Variants in GAPT observed in about 807,000 individuals in gnomAD.
GAPT encodes protein GAPT.
For missense variants in GAPT, 206 were observed against 189.2 expected (o/e 1.09, Z -0.52); for synonymous variants, 82 against 69.7 (o/e 1.18, Z -0.88).
At position 58,496,123 on chromosome 5, in the gene GAPT, A is replaced by T. The variant is rs956511347; in HGVS notation, c.*1113A>T. ...TTTTTATTTTCTGATATAAGCTTTG[A>T]TGCCTCTTCAATTCTTAGGACATTT... On this transcript the variant is annotated 3_prime_UTR_variant, in exon 3 of 3. Coordinates refer to ENST00000502276, the MANE Select transcript of GAPT (RefSeq NM_001304431.2). 1 of 166,854 alleles carries T rather than the reference A, an allele frequency of 6.0e-6. No individual in the cohort carries two copies. The highest frequency in any genetic ancestry group is 1.5e-5 in the Non-Finnish European group (1 of 68,110). 10.3% of individuals were successfully genotyped at this position (166,854 alleles called of 1,614,324 possible).
chr5:58,496,686 G>A lies in GAPT; in HGVS notation c.*1676G>A, dbSNP rs1744460387. On this transcript the variant is annotated 3_prime_UTR_variant, in exon 3 of 3. Transcript: ENST00000502276. ...CCGAAAGGCAGTAGGAGGCAACAGG[G>A]AATTGCTCCTGCCTATTCTTTCTGT... The A allele has an allele frequency of 6.0e-6, 1 of 167,088 alleles. No homozygotes were observed. The highest frequency in any genetic ancestry group is 1.5e-5 in the Non-Finnish European group (1 of 68,130). The allele number at this position is 167,088 out of a possible 1,614,324, so 10.4% of individuals were successfully genotyped here.
Position 58,496,201 on chromosome 5 carries a change from T to C in GAPT, c.*1191T>C, listed in dbSNP as rs578067112. On this transcript the variant is annotated 3_prime_UTR_variant, in exon 3 of 3. Coordinates refer to ENST00000502276, the MANE Select transcript of GAPT (RefSeq NM_001304431.2). Reference sequence around the variant, plus strand: ...TATTACCTAGCTTCATATGAAAATGTCTTAAATTCCCACCTAAATGAAAAG... The same window carrying C: ...TATTACCTAGCTTCATATGAAAATGCCTTAAATTCCCACCTAAATGAAAAG... 58 of 164,412 alleles carry C rather than the reference T, an allele frequency of 3.5e-4. No individual in the cohort carries two copies. The highest frequency in any genetic ancestry group is 1.3e-3 in the African/African-American group (56 of 41,560). 10.2% of individuals were successfully genotyped at this position (164,412 alleles called of 1,614,324 possible).
chr5:58,492,038 T>C (rs1377619724), intron 1 of GAPT, among the ~76,000 whole-genome samples: 1 of 152,216 alleles, frequency 6.6e-6, no homozygotes, highest in Admixed American at 6.5e-5. Flanking sequence ...CTGTAAAAAG[T>C]CTTCTTGTCT....
chr5:58,496,918 TCA>T lies in GAPT; in HGVS notation c.*1909_*1910del, dbSNP rs1321580894. 6 of 167,072 alleles carry T rather than the reference TCA, an allele frequency of 3.6e-5. No individual in the cohort carries two copies. The Admixed American group carries it at 3.9e-4, about 11-fold the overall frequency. The allele number at this position is 167,072 out of a possible 1,614,324, so 10.3% of individuals were successfully genotyped here. A position where few individuals can be genotyped will look rare whatever the true frequency, so the allele number is the denominator to read the frequency against. On this transcript the variant is annotated 3_prime_UTR_variant, in exon 3 of 3. Coordinates refer to ENST00000502276, the MANE Select transcript of GAPT (RefSeq NM_001304431.2). ...GTGGTGCAGGAGACAAGTGGTACCC[TCA>T]GAGTTCTGCGTCCCAGCCTGGCAGG...
rs1170081666 is a variant in GAPT at position 58,495,826 on chromosome 5, A to G, written c.*816A>G. The G allele has an allele frequency of 6.0e-6, 1 of 166,662 alleles. No homozygotes were observed. The highest frequency in any genetic ancestry group is 1.5e-5 in the Non-Finnish European group (1 of 68,106). The allele number at this position is 166,662 out of a possible 1,614,324, so 10.3% of individuals were successfully genotyped here. A position where few individuals can be genotyped will look rare whatever the true frequency, so the allele number is the denominator to read the frequency against. On this transcript the variant is annotated 3_prime_UTR_variant, in exon 3 of 3. Coordinates refer to ENST00000502276, the MANE Select transcript of GAPT (RefSeq NM_001304431.2). ...TCCTAACAGCCACATTATTTCTTTC[A>G]CTTAAAATGTTTTAATGCCCCCTCT...
Position 58,496,512 on chromosome 5 carries a change from T to C in GAPT, c.*1502T>C, listed in dbSNP as rs929466315. The C allele has an allele frequency of 1.8e-5, 3 of 167,042 alleles. No homozygotes were observed. Among genetic ancestry groups the C allele is most frequent in the African/African-American group, 7.2e-5 (3 of 41,422 alleles). 10.3% of individuals were successfully genotyped at this position (167,042 alleles called of 1,614,324 possible). A position where few individuals can be genotyped will look rare whatever the true frequency, so the allele number is the denominator to read the frequency against. On this transcript the variant is annotated 3_prime_UTR_variant, in exon 3 of 3. Coordinates refer to ENST00000502276, the MANE Select transcript of GAPT (RefSeq NM_001304431.2). Reference sequence around the variant, plus strand: ...AAAGAAAACATAGTAAACAAATGAATACGATGCTGCTCATGAAGCTATGAT... The same window carrying C: ...AAAGAAAACATAGTAAACAAATGAACACGATGCTGCTCATGAAGCTATGAT...
At chr5:58,493,877 T>G (rs1235265839) in intron 2 of GAPT, 39 bp downstream of exon 2, 1 of 152,174 alleles carries the variant, frequency 6.6e-6, no homozygotes, top group Admixed American at 6.5e-5. Flanking sequence ...TATGTCCCTT[T>G]TTTTCTATTG....
rs1744426285 is a variant in GAPT, at chr5:58,495,590, C to G, written c.*580C>G. 6.1e-6 allele frequency: 1 copy of G among 165,074 alleles called. No individual in the cohort carries two copies. Among genetic ancestry groups the G allele is most frequent in the Non-Finnish European group, 1.5e-5 (1 of 68,328 alleles). 10.2% of individuals were successfully genotyped at this position (165,074 alleles called of 1,614,324 possible). A position where few individuals can be genotyped will look rare whatever the true frequency, so the allele number is the denominator to read the frequency against. On this transcript the variant is annotated 3_prime_UTR_variant, in exon 3 of 3. Transcript: ENST00000502276. ...GCTGTGGATTAATTCTAGATATCTT[C>G]TCCACCCTCCTTGCACCAGACTAAA...
At chr5:58,493,229 A>G (rs1744317312) in intron 1 of GAPT, among the ~76,000 whole-genome samples, 1 of 152,188 alleles carries the variant, frequency 6.6e-6, no homozygotes, top group Non-Finnish European at 1.5e-5. Flanking sequence ...GATGATAATA[A>G]TCATTTCACA....
rs767031710 is a variant in GAPT at position 58,494,571 on chromosome 5, T to C, written c.35T>C (p.Ile12Thr). The stretch of plus-strand genomic sequence containing the variant: ...AGCTGTGGAAATAATTTAGCGGCCA[T>C]TTCTGTAGGAATTTCGCTTCTTTTA... ...SKSCGNNLAA[I>T]SVGISLLLLL... The change falls in exon 3 of 3, where the codon ATT becomes ACT. Residue 12 changes from isoleucine (I) to threonine (T), a missense_variant. Coordinates refer to ENST00000502276, the MANE Select transcript of GAPT (RefSeq NM_001304431.2). The C allele has an allele frequency of 6.2e-7, 1 of 1,612,808 alleles. No individual in the cohort carries two copies. Among genetic ancestry groups the C allele is most frequent in the East Asian group, 2.2e-5 (1 of 44,844 alleles).
At chr5:58,492,918 C>T (rs1042132711) in intron 1 of GAPT, among the ~76,000 whole-genome samples, 3 of 152,070 alleles carry the variant, frequency 2.0e-5, no homozygotes, top group Admixed American at 1.3e-4. Flanking sequence ...TTCCAACCTT[C>T]GAGAACCTCA....
Position 58,494,945 on chromosome 5 carries a change from C to A in GAPT, c.409C>A (p.Gln137Lys), listed in dbSNP as rs1744400516. Reference sequence around the variant, plus strand: ...GACATCTTCTGACTATTATAACTTCCAGAAGCCTCGTCCTTCTGAAGTTCC... The same window carrying A: ...GACATCTTCTGACTATTATAACTTCAAGAAGCCTCGTCCTTCTGAAGTTCC... The part of the protein sequence containing the change: ...NETSSDYYNF[Q>K]KPRPSEVPQD... Residue 137 changes from glutamine (Q) to lysine (K), a missense_variant, in exon 3 of 3, where the codon CAG becomes AAG. Transcript: ENST00000502276. 1 of 1,613,826 alleles carries A rather than the reference C, an allele frequency of 6.2e-7. No homozygotes were observed. Among genetic ancestry groups the A allele is most frequent in the Non-Finnish European group, 8.5e-7 (1 of 1,179,790 alleles).
Position 58,495,246 on chromosome 5 carries a change from C to A in GAPT, c.*236C>A. On this transcript the variant is annotated 3_prime_UTR_variant, in exon 3 of 3. Transcript: ENST00000502276. ...AAGTGGGAGCTAAATAATAAGAACA[C>A]ATGGAGAGAAGGAGAGGAACAACAG... The A allele has an allele frequency of 2.3e-6, 1 of 437,586 alleles. No individual in the cohort carries two copies. The highest frequency in any genetic ancestry group is 4.1e-6 in the Non-Finnish European group (1 of 243,698). The allele number at this position is 437,586 out of a possible 1,614,324, so 27.1% of individuals were successfully genotyped here.
intron 1 of GAPT, among the ~76,000 whole-genome samples, chr5:58,492,759 G>A (rs936821998): frequency 6.6e-6 from 1 of 152,056 alleles, no homozygotes; most frequent in Non-Finnish European, 1.5e-5. Flanking sequence ...TGAAAGCAGA[G>A]CACCACTTTG....
At chr5:58,492,577 C>T (rs1346795920) in intron 1 of GAPT, among the ~76,000 whole-genome samples, 1 of 152,098 alleles carries the variant, frequency 6.6e-6, no homozygotes, top group African/African-American at 2.4e-5. Context: ...AATGTTTCTG[C>T]ATCTGGGGTG....
intron 1 of GAPT, 86 bp from the exon 2 acceptor site, chr5:58,493,625 T>C (rs958370848): frequency 1.3e-5 from 2 of 152,166 alleles, no homozygotes; most frequent in African/African-American, 4.8e-5. Flanking sequence ...CTAGGTGTTG[T>C]GCCATTCTCT....
chr5:58,495,024 T>G lies in GAPT; in HGVS notation c.*14T>G, dbSNP rs1316541118. ...GATTCATATTAGCTTTTCAAAATAT[T>G]GACTTTTGTTATTGGATGATAAATA... On this transcript the variant is annotated 3_prime_UTR_variant, in exon 3 of 3. Coordinates refer to ENST00000502276, the MANE Select transcript of GAPT (RefSeq NM_001304431.2). 2.7e-6 allele frequency: 4 copies of G among 1,499,368 alleles called. No individual in the cohort carries two copies. The highest frequency in any genetic ancestry group is 1.9e-5 in the Admixed American group (1 of 53,318). The allele number at this position is 1,499,368 out of a possible 1,614,324, so 92.9% of individuals were successfully genotyped here. A position where few individuals can be genotyped will look rare whatever the true frequency, so the allele number is the denominator to read the frequency against.
At chr5:58,492,814 A>G (rs1744296363) in intron 1 of GAPT, among the ~76,000 whole-genome samples, 1 of 152,166 alleles carries the variant, frequency 6.6e-6, no homozygotes, top group Admixed American at 6.6e-5. Context: ...TTATCCCATA[A>G]GGAGATTACT....
Position 58,494,750 on chromosome 5 carries a change from G to A in GAPT, c.214G>A (p.Glu72Lys). 6.2e-7 allele frequency: 1 copy of A among 1,613,950 alleles called. No individual in the cohort carries two copies. Among genetic ancestry groups the A allele is most frequent in the South Asian group, 1.1e-5 (1 of 91,086 alleles). The change falls in exon 3 of 3, where the codon GAA (glutamate) becomes AAA (lysine). Residue 72 changes from glutamate to lysine, a missense_variant. By Grantham distance (56) the Glu-to-Lys change is moderately conservative (BLOSUM62 1). Transcript: ENST00000502276. ...LGPRIIGLRH[E>K]ISVETQDHKS... Reference sequence around the variant, plus strand: ...CCCCCGCATCATTGGCTTAAGGCATGAAATCTCAGTTGAAACCCAAGACCA... The same window carrying A: ...CCCCCGCATCATTGGCTTAAGGCATAAAATCTCAGTTGAAACCCAAGACCA...
Sources: gnomAD v4.1 joint callset for allele counts (sites outside exome capture counted in the v4.1 genomes callset) on GRCh38, gnomAD v4.1.1 for gene constraint, MANE v1.5 for transcripts, NCBI Gene and HGNC (gene_info 2026-07-23, HGNC 2026-07-21) for gene names.